The following CDH17 variants were observed in gnomAD, a reference collection of about 807,000 sequenced individuals.
CDH17 encodes cadherin 17.
In CDH17, 67 loss-of-function variants were observed where a neutral mutation model predicts 86.3. The ratio of observed to expected loss-of-function variants is 0.78; its 90% CI spans 0.64 to 0.95. The LOEUF is 0.95. Ranked by LOEUF, CDH17 falls within the 40% of genes least tolerant of loss-of-function variation. CDH17 has a pLI of 0.00. For missense variants in CDH17, 993 were observed against 1,017.6 expected (o/e 0.98, Z 0.33); for synonymous variants, 367 against 366.4 (o/e 1.00, Z -0.02).
upstream of CDH17, among the ~76,000 whole-genome samples, chr8:94,211,207 T>C (rs1261454083): frequency 1.3e-5 from 2 of 152,098 alleles, no homozygotes; most frequent in African/African-American, 2.4e-5. Flanking sequence ...TATGGACATT[T>C]GTAAGAAAGT....
intron 3 of CDH17, among the ~76,000 whole-genome samples, chr8:94,178,817 T>C (rs1283492575): frequency 6.6e-6 from 1 of 152,092 alleles, no homozygotes; most frequent in African/African-American, 2.4e-5. Flanking sequence ...TAAAAAGTTT[T>C]TGTGCATGTT....
At chr8:94,170,072 C>T (rs567849764) in intron 9 of CDH17, among the ~76,000 whole-genome samples, 109 of 152,164 alleles carry the variant, frequency 7.2e-4, no homozygotes, top group African/African-American at 2.5e-3. Flanking sequence ...ATGGGGAAAT[C>T]CTGCAAATGA....
chr8:94,132,502 C>T (rs374726687), intron 15 of CDH17, among the ~76,000 whole-genome samples: 10 of 152,168 alleles, frequency 6.6e-5, no homozygotes, highest in African/African-American at 2.4e-4. Context: ...CTGTTGCCCA[C>T]TTTTTGATGG....
At position 94,130,915 on chromosome 8, in the gene CDH17, C is replaced by CA. The variant is rs1563561987; in HGVS notation, c.2244dup (p.Gly749TrpfsTer66). The CA allele has an allele frequency of 6.2e-7, 1 of 1,611,812 alleles. No homozygotes were observed. Among genetic ancestry groups the CA allele is most frequent in the Middle Eastern group, 1.7e-4 (1 of 6,056 alleles). Reference sequence around the variant, plus strand: ...ATGCCTTCCAAGGGTGGCCGACCCCCATCATTGATGCGGATCAAGACGACA... The same window carrying CA: ...ATGCCTTCCAAGGGTGGCCGACCCCCAATCATTGATGCGGATCAAGACGACA... On this transcript the variant is annotated frameshift_variant, in exon 16 of 18. Coordinates refer to ENST00000027335, the MANE Select transcript of CDH17 (RefSeq NM_004063.4). LOFTEE classifies it high-confidence loss of function.
chr8:94,205,123 C>G (rs548893872), intron 1 of CDH17, among the ~76,000 whole-genome samples: 253 of 152,246 alleles, frequency 1.7e-3, no homozygotes, highest in African/African-American at 5.8e-3. Flanking sequence ...ACTTCCCTCA[C>G]GTGTGCAGCT....
chr8:94,159,037 G>A (rs1335988276), intron 12 of CDH17, among the ~76,000 whole-genome samples: 11 of 152,104 alleles, frequency 7.2e-5, no homozygotes, highest in African/African-American at 7.2e-5. Flanking sequence ...TTTTAACAGC[G>A]AGGTTTCACT....
intron 15 of CDH17, among the ~76,000 whole-genome samples, chr8:94,135,726 T>C (rs1812510376): frequency 6.6e-6 from 1 of 152,194 alleles, no homozygotes; most frequent in Admixed American, 6.5e-5. Context: ...TGCCTGTTAA[T>C]TGATATAGTT....
At chr8:94,178,469 T>C (rs889233508) in intron 3 of CDH17, among the ~76,000 whole-genome samples, 1 of 152,118 alleles carries the variant, frequency 6.6e-6, no homozygotes, top group African/African-American at 2.4e-5. Context: ...AACATTACTA[T>C]ACATAATTTA....
chr8:94,185,607 C>T (rs927095151), intron 3 of CDH17, among the ~76,000 whole-genome samples: 1 of 152,064 alleles, frequency 6.6e-6, no homozygotes, highest in Non-Finnish European at 1.5e-5. Flanking sequence ...CACAGAACAC[C>T]TACTCTATTT....
chr8:94,186,676 C>G (rs73266277), intron 3 of CDH17, among the ~76,000 whole-genome samples: 65 of 152,178 alleles, frequency 4.3e-4, no homozygotes, highest in African/African-American at 1.4e-3. Context: ...AACCAGGCCT[C>G]CCTCACTTCC....
Position 94,128,221 on chromosome 8 carries a change from C to A in CDH17, c.*19G>T. On this transcript the variant is annotated 3_prime_UTR_variant, in exon 18 of 18. Coordinates refer to ENST00000027335, the MANE Select transcript of CDH17 (RefSeq NM_004063.4). Reference sequence around the variant, plus strand: ...TGAAATAGCACTTGCTATATAAATTCAAACATTCCTTTTCAAATTCAGCTT... The same window carrying A: ...TGAAATAGCACTTGCTATATAAATTAAAACATTCCTTTTCAAATTCAGCTT... The A allele has an allele frequency of 6.5e-7, 1 of 1,530,150 alleles. No homozygotes were observed. The highest frequency in any genetic ancestry group is 9.0e-7 in the Non-Finnish European group (1 of 1,105,012). 94.8% of individuals were successfully genotyped at this position (1,530,150 alleles called of 1,614,324 possible).
chr8:94,171,151 G>T (rs533887860), intron 7 of CDH17, among the ~76,000 whole-genome samples, 166 bp from the exon 8 acceptor site: 1 of 152,102 alleles, frequency 6.6e-6, no homozygotes, highest in Non-Finnish European at 1.5e-5. Context: ...AAATAAGCCT[G>T]TTTCCCCCCA....
intron 15 of CDH17, among the ~76,000 whole-genome samples, chr8:94,142,671 T>G (rs1423360127): frequency 6.6e-6 from 1 of 151,180 alleles, no homozygotes; most frequent in Non-Finnish European, 1.5e-5. Context: ...GTTTATGGAA[T>G]ATTCTAAATC....
intron 2 of CDH17, among the ~76,000 whole-genome samples, chr8:94,192,292 C>T (rs1380801462): frequency 6.6e-6 from 1 of 152,146 alleles, no homozygotes; most frequent in Non-Finnish European, 1.5e-5. Context: ...TGGTGGAAAT[C>T]TGTGAAAGGA....
intron 5 of CDH17, 67 bp downstream of exon 5, chr8:94,176,474 C>T: frequency 6.4e-7 from 1 of 1,552,614 alleles, no homozygotes. Flanking sequence ...ATTAGCCACA[C>T]AAGTCTGCCC....
At chr8:94,198,246 T>C in intron 1 of CDH17, among the ~76,000 whole-genome samples, 1 of 152,220 alleles carries the variant, frequency 6.6e-6, no homozygotes, top group East Asian at 1.9e-4. Context: ...CCTTCAGGAC[T>C]CCAAGATTCA....
upstream of CDH17, among the ~76,000 whole-genome samples, chr8:94,209,948 T>C (rs1350283): frequency 0.44 from 66,828 of 151,350 alleles, 15,494 homozygotes; most frequent in Non-Finnish European, 0.54. Flanking sequence ...ATAAAGTGCA[T>C]ATGTATCATT....
At chr8:94,187,991 C>T (rs1813613436) in intron 3 of CDH17, among the ~76,000 whole-genome samples, 1 of 152,144 alleles carries the variant, frequency 6.6e-6, no homozygotes, top group South Asian at 2.1e-4. Context: ...TTGCCTTAAG[C>T]TGGTACCAAT....
chr8:94,129,731 C>A (rs1423736261), intron 17 of CDH17, among the ~76,000 whole-genome samples: 1 of 152,118 alleles, frequency 6.6e-6, no homozygotes, highest in African/African-American at 2.4e-5. Context: ...AAATCTGAAA[C>A]TTTTGGGGTA....
Sources: gnomAD v4.1 joint callset for allele counts (sites outside exome capture counted in the v4.1 genomes callset) on GRCh38, gnomAD v4.1.1 for gene constraint, MANE v1.5 for transcripts, NCBI Gene and HGNC (gene_info 2026-07-23, HGNC 2026-07-21) for gene names.